Variants in PRKCA observed in about 807,000 individuals in gnomAD.
PRKCA encodes protein kinase C alpha, also known as protein kinase C alpha type.
Under a neutral mutation model 87.0 loss-of-function variants are expected in PRKCA, and 27 were observed. The ratio of observed to expected loss-of-function variants is 0.31; its 90% CI spans 0.23 to 0.43. PRKCA has a LOEUF of 0.43. Among genes scored for constraint, PRKCA ranks in the 20% least tolerant of loss-of-function variants. The probability of loss-of-function intolerance (pLI) is 1.00; values close to 1 mark genes in which losing one functional copy is unlikely to be tolerated. For synonymous variants in PRKCA, 329 were observed against 311.1 expected (o/e 1.06, Z -0.61); for missense variants, 518 against 852.3 (o/e 0.61, Z 4.88).
chr17:66,760,016 TC>T (rs1285372420), intron 13 of PRKCA, among the ~76,000 whole-genome samples: 1 of 152,170 alleles, frequency 6.6e-6, no homozygotes, highest in African/African-American at 2.4e-5. Flanking sequence ...AATAGACATA[TC>T]CCGCAAGGAG....
At chr17:66,724,860 T>C (rs188838049) in intron 8 of PRKCA, among the ~76,000 whole-genome samples, 1 of 152,312 alleles carries the variant, frequency 6.6e-6, no homozygotes, top group Admixed American at 6.5e-5. Flanking sequence ...ATGTCAACAA[T>C]ATGCAAGCCA....
At chr17:66,724,665 C>G (rs1018886197) in intron 8 of PRKCA, among the ~76,000 whole-genome samples, 1 of 152,250 alleles carries the variant, frequency 6.6e-6, no homozygotes, top group Non-Finnish European at 1.5e-5. Context: ...AGCAGGGCGT[C>G]TGGCCACGTT....
chr17:66,496,339 T>G (rs1916473086), intron 3 of PRKCA, 56 bp downstream of exon 3: 1 of 1,446,562 alleles, frequency 6.9e-7, no homozygotes, highest in African/African-American at 1.4e-5. Context: ...AGCTTTAATT[T>G]TTTTAACGCC....
At chr17:66,708,229 G>A (rs1202783438) in intron 8 of PRKCA, among the ~76,000 whole-genome samples, 1 of 152,194 alleles carries the variant, frequency 6.6e-6, no homozygotes, top group African/African-American at 2.4e-5. Flanking sequence ...AATTGAAAAC[G>A]AAGTGGTTAA....
chr17:66,533,706 A>G (rs6504442), intron 3 of PRKCA, among the ~76,000 whole-genome samples: 3 of 118,578 alleles, frequency 2.5e-5, no homozygotes, highest in Admixed American at 9.1e-5. Flanking sequence ...TGCCGCCCCC[A>G]CTGGCCAGGC....
intron 5 of PRKCA, among the ~76,000 whole-genome samples, chr17:66,647,678 C>G (rs1031118984): frequency 6.6e-6 from 1 of 152,148 alleles, no homozygotes; most frequent in African/African-American, 2.4e-5. Flanking sequence ...AAAGGTCAGG[C>G]CTTATCGTGC....
At chr17:66,429,523 G>A (rs1489530822) in intron 2 of PRKCA, among the ~76,000 whole-genome samples, 1 of 152,104 alleles carries the variant, frequency 6.6e-6, no homozygotes, top group African/African-American at 2.4e-5. Context: ...AGTAGTGAGG[G>A]GTTGCATGTA....
chr17:66,568,289 AG>A (rs1465702732), intron 3 of PRKCA, among the ~76,000 whole-genome samples: 16 of 152,212 alleles, frequency 1.1e-4, no homozygotes, highest in African/African-American at 3.9e-4. Flanking sequence ...ACTCCAGCCT[AG>A]ACGACAGAAT....
chr17:66,447,900 G>T (rs1914116076), intron 2 of PRKCA, among the ~76,000 whole-genome samples: 1 of 152,210 alleles, frequency 6.6e-6, no homozygotes, highest in Non-Finnish European at 1.5e-5. Flanking sequence ...CAGAACTAGG[G>T]ACTCCTGTGC....
intron 2 of PRKCA, among the ~76,000 whole-genome samples, chr17:66,493,287 G>C (rs1205648258): frequency 7.3e-6 from 1 of 136,622 alleles, no homozygotes; most frequent in African/African-American, 2.9e-5. Context: ...GTATGTCTAT[G>C]TAGGTATATT....
At chr17:66,370,859 T>C (rs1909067869) in intron 2 of PRKCA, among the ~76,000 whole-genome samples, 1 of 152,168 alleles carries the variant, frequency 6.6e-6, no homozygotes, top group South Asian at 2.1e-4. Context: ...GTTAAGTTGC[T>C]TGAGAGCAGA....
Position 66,564,975 on chromosome 17 carries a change from G to A in PRKCA, c.288+68692G>A, listed in dbSNP as rs182198636. ...AGCCTGGGTGATAGAGTAAGACTCC[G>A]TGTCAAAACAACAATCACCACCACC... is the stretch of plus-strand genomic sequence containing the variant. On this transcript the variant is annotated intron_variant, in intron 3 of 16. Coordinates refer to ENST00000413366, the MANE Select transcript of PRKCA (RefSeq NM_002737.3). Among the ~76,000 whole-genome samples the A allele has an allele frequency of 3.0e-4, 46 of 152,190 alleles. 1 individual carries two copies. Among genetic ancestry groups the A allele is most frequent in the African/African-American group, 7.5e-4 (31 of 41,526 alleles).
chr17:66,316,254 A>G (rs1462396393), intron 2 of PRKCA, among the ~76,000 whole-genome samples: 3 of 152,228 alleles, frequency 2.0e-5, no homozygotes, highest in Admixed American at 6.5e-5. Flanking sequence ...GAGCTACTTC[A>G]TGCTTTGCCA....
Position 66,735,648 on chromosome 17 carries a change from T to A in PRKCA, c.1216T>A (p.Cys406Ser), listed in dbSNP as rs1339360556. The change falls in exon 10 of 17, where the codon TGC becomes AGC. Residue 406 changes from cysteine to serine, a missense_variant. Around this residue, in one of 5 missense-constraint regions of PRKCA, gnomAD observed 300 missense variants for 496.8 expected, o/e 0.60. Coordinates refer to ENST00000413366, the MANE Select transcript of PRKCA (RefSeq NM_002737.3). ...CCCGTTCTTGACGCAGCTGCACTCC[T>A]GCTTCCAGACAGTGGTAAGGACCCT... ...KPPFLTQLHS[C>S]FQTVDRLYFV... 5 of 1,614,066 alleles carry A rather than the reference T, an allele frequency of 3.1e-6. No homozygotes were observed. The highest frequency in any genetic ancestry group is 4.2e-6 in the Non-Finnish European group (5 of 1,179,970).
chr17:66,684,562 ACT>A, intron 5 of PRKCA, among the ~76,000 whole-genome samples: 1 of 152,284 alleles, frequency 6.6e-6, no homozygotes, highest in South Asian at 2.1e-4. Flanking sequence ...AGAATTGATA[ACT>A]CTTTTTATTT....
intron 2 of PRKCA, among the ~76,000 whole-genome samples, chr17:66,378,784 C>T (rs1367965148): frequency 6.6e-6 from 1 of 151,916 alleles, no homozygotes; most frequent in African/African-American, 2.4e-5. Context: ...GGCTGTAATC[C>T]CAGCTACTTG....
intron 5 of PRKCA, 77 bp downstream of exon 5, chr17:66,645,588 G>C: frequency 6.3e-7 from 1 of 1,584,338 alleles, no homozygotes; most frequent in Non-Finnish European, 8.6e-7. Context: ...AGGCAGGGTG[G>C]GGGCTGGGCT....
At chr17:66,399,229 G>A (rs1244647131) in intron 2 of PRKCA, among the ~76,000 whole-genome samples, 1 of 151,272 alleles carries the variant, frequency 6.6e-6, no homozygotes, top group Non-Finnish European at 1.5e-5. Flanking sequence ...CTTCCAAGTA[G>A]TGGGACACCA....
At chr17:66,320,550 G>A (rs544338378) in intron 2 of PRKCA, among the ~76,000 whole-genome samples, 1 of 152,124 alleles carries the variant, frequency 6.6e-6, no homozygotes, top group African/African-American at 2.4e-5. Context: ...TAATTTATAG[G>A]TGAACAGTCT....
Sources: gnomAD v4.1 joint callset for allele counts (sites outside exome capture counted in the v4.1 genomes callset) on GRCh38, gnomAD v4.1.1 for gene constraint, gnomAD v4.1.1 regional missense constraint, MANE v1.5 for transcripts, NCBI Gene and HGNC (gene_info 2026-07-23, HGNC 2026-07-21) for gene names.